COQ4: variants seen among roughly 807,000 people sequenced by gnomAD.
COQ4 encodes the protein ubiquinone biosynthesis protein COQ4 homolog, mitochondrial.
COQ4 carries 36 observed loss-of-function variants against 30.2 expected under a neutral mutation model. The observed-to-expected ratio is 1.19, with a 90% confidence interval of 0.91 to 1.57. COQ4 has a LOEUF of 1.57. Among genes scored for constraint, COQ4 ranks in the 40% most tolerant of loss-of-function variants. The pLI, the probability that COQ4 is intolerant of heterozygous loss-of-function variation, is 0.00. For synonymous variants in COQ4, 197 were observed against 161.0 expected (o/e 1.22, Z -1.69); for missense variants, 369 against 371.9 (o/e 0.99, Z 0.07).
At chr9:128,329,060 A>G (rs187550747) in intron 4 of COQ4, among the ~76,000 whole-genome samples, 50 of 152,300 alleles carry the variant, frequency 3.3e-4, no homozygotes, top group African/African-American at 1.2e-3. Context: ...TTTTGGTGAG[A>G]GGTGTGGTCA....
intron 2 of COQ4, 159 bp downstream of exon 2, chr9:128,323,306 A>C (rs1832248751): frequency 4.1e-6 from 3 of 726,588 alleles, no homozygotes; most frequent in Non-Finnish European, 6.4e-6. Context: ...ACCTAAACGC[A>C]CTGAATCTGA....
intron 1 of COQ4, 26 bp from the exon 2 acceptor site, chr9:128,322,990 A>C (rs1227310662): frequency 1.2e-6 from 2 of 1,609,414 alleles, no homozygotes; most frequent in Admixed American, 1.7e-5. Flanking sequence ...GGCTCCTCTG[A>C]CCTCGGCCTT....
At chr9:128,325,384 TC>T in intron 3 of COQ4, 145 bp downstream of exon 3, 1 of 628,062 alleles carries the variant, frequency 1.6e-6, no homozygotes, top group Non-Finnish European at 2.8e-6. Context: ...ACTGCCCAAT[TC>T]CAGGGGTGTC....
chr9:128,327,156 A>T (rs866922949), intron 4 of COQ4, among the ~76,000 whole-genome samples: 2 of 152,018 alleles, frequency 1.3e-5, no homozygotes, highest in Non-Finnish European at 2.9e-5. Context: ...GTTTTTAAAA[A>T]TTTTCAGGGA....
intron 2 of COQ4, among the ~76,000 whole-genome samples, chr9:128,324,920 A>G (rs189246490): frequency 9.2e-5 from 14 of 152,356 alleles, no homozygotes; most frequent in Non-Finnish European, 1.2e-4. Context: ...CGTTGTGCTA[A>G]CTAGAGCTGT....
chr9:128,326,144 C>A (rs139772787), intron 4 of COQ4: 5 of 576,832 alleles, frequency 8.7e-6, no homozygotes, highest in African/African-American at 5.6e-5. Flanking sequence ...TGAATCCCCC[C>A]ACAACTCTGT....
intron 6 of COQ4, 68 bp downstream of exon 6, chr9:128,333,011 G>C (rs1832441166): frequency 2.5e-6 from 3 of 1,198,244 alleles, no homozygotes; most frequent in Admixed American, 3.4e-5. Context: ...GAGGGACCAG[G>C]GCTCTTAGAA....
intron 4 of COQ4, 70 bp downstream of exon 4, chr9:128,325,951 C>G (rs1269652107): frequency 2.2e-6 from 3 of 1,365,088 alleles, no homozygotes; most frequent in South Asian, 2.4e-5. Flanking sequence ...GCATGACACC[C>G]TGAGGAAAGA....
At chr9:128,326,869 C>T (rs113270556) in intron 4 of COQ4, among the ~76,000 whole-genome samples, 7,773 of 152,172 alleles carry the variant, frequency 0.051, 277 homozygotes, top group Middle Eastern at 0.11. Context: ...CTGCCTCAAC[C>T]CCCCACGTAG....
intron 3 of COQ4, 85 bp downstream of exon 3, chr9:128,325,324 C>T (rs1422647250): frequency 2.3e-5 from 22 of 960,454 alleles, no homozygotes; most frequent in Middle Eastern, 3.0e-4. Context: ...TGTTCTGTTC[C>T]GCTAGGGAGC....
chr9:128,323,337 G>C, intron 2 of COQ4, 190 bp downstream of exon 2: 1 of 617,102 alleles, frequency 1.6e-6, no homozygotes, highest in Non-Finnish European at 2.7e-6. Context: ...GCAGTGGAGG[G>C]AGAAATGGGC....
At chr9:128,330,693 C>A (rs1344422106) in intron 4 of COQ4, 1 of 151,990 alleles carries the variant, frequency 6.6e-6, no homozygotes, top group Non-Finnish European at 1.5e-5. Context: ...TGGCCTTGAG[C>A]TCCTCAGGTG....
rs1468537113 is a variant in COQ4 at position 128,330,189 on chromosome 9, T to C, written c.403-1964T>C. 2.1e-5 allele frequency among the ~76,000 whole-genome samples: 3 copies of C among 146,266 alleles called. No individual in the cohort carries two copies. In the South Asian group the frequency reaches 6.5e-4, roughly 32 times the overall value. On this transcript the variant is annotated intron_variant, in intron 4 of 6. Transcript: ENST00000300452. ...TTTGAGACCAGCCTGACCAACATGG[T>C]GAAACCCTGTCTCTACTAAAAAAAA...
chr9:128,330,616 C>G (rs1004486610), intron 4 of COQ4: 3 of 151,584 alleles, frequency 2.0e-5, no homozygotes, highest in African/African-American at 7.3e-5. Flanking sequence ...GTCTCAGCCT[C>G]CCAAGTAGCT....
intron 4 of COQ4, chr9:128,326,105 C>A: frequency 1.7e-6 from 1 of 586,866 alleles, no homozygotes; most frequent in Non-Finnish European, 3.0e-6. Context: ...GCACTGCATG[C>A]CTGATGCCAG....
chr9:128,332,640 C>T, intron 5 of COQ4: 1 of 601,278 alleles, frequency 1.7e-6, no homozygotes, highest in Admixed American at 2.9e-5. Flanking sequence ...CCCCAGGCTT[C>T]CTTTCCATCC....
chr9:128,326,462 T>TG (rs1832322780), intron 4 of COQ4: 1 of 152,764 alleles, frequency 6.5e-6, no homozygotes. Context: ...CATCCCTTTT[T>TG]TTTTTTGAGT....
In COQ4 at chr9:128,333,680, C is replaced by G; in HGVS notation, c.*35C>G. On this transcript the variant is annotated 3_prime_UTR_variant, in exon 7 of 7. Coordinates refer to ENST00000300452, the MANE Select transcript of COQ4 (RefSeq NM_016035.5). ...CCAGCGGGGCCTGGCCTACCTCCCCCATCCCCTGCTTCCCTTGGAGGCAGA... is the reference window on the plus strand; with the variant it reads ...CCAGCGGGGCCTGGCCTACCTCCCCGATCCCCTGCTTCCCTTGGAGGCAGA... The G allele has an allele frequency of 6.7e-7, 1 of 1,488,348 alleles. No individual in the cohort carries two copies. Among genetic ancestry groups the G allele is most frequent in the Non-Finnish European group, 8.9e-7 (1 of 1,123,764 alleles). The allele number at this position is 1,488,348 out of a possible 1,614,324, so 92.2% of individuals were successfully genotyped here.
chr9:128,324,819 C>CTG (rs1832289698), intron 2 of COQ4, among the ~76,000 whole-genome samples: 1 of 152,236 alleles, frequency 6.6e-6, no homozygotes, highest in Non-Finnish European at 1.5e-5. Context: ...CACACCTGGA[C>CTG]TGTAGCCCAG....
Sources: gnomAD v4.1 joint callset for allele counts (sites outside exome capture counted in the v4.1 genomes callset) on GRCh38, gnomAD v4.1.1 for gene constraint, MANE v1.5 for transcripts, NCBI Gene and HGNC (gene_info 2026-07-23, HGNC 2026-07-21) for gene names.